The following PDCD5 variants were observed in gnomAD, a reference collection of about 807,000 sequenced individuals.
PDCD5 encodes the protein programmed cell death 5, also known as programmed cell death protein 5.
In PDCD5, 23 loss-of-function variants were observed where a neutral mutation model predicts 21.9. The ratio of observed to expected loss-of-function variants is 1.05; its 90% CI spans 0.76 to 1.49. The LOEUF is 1.49. PDCD5 is among the 40% of genes most tolerant of loss of function. PDCD5 has a pLI of 0.00. For missense variants in PDCD5, 152 were observed against 147.7 expected (o/e 1.03, Z -0.15); for synonymous variants, 45 against 49.4 (o/e 0.91, Z 0.37).
intron 1 of PDCD5, chr19:32,581,824 C>G (rs951004574): frequency 3.6e-4 from 90 of 252,904 alleles, no homozygotes; most frequent in African/African-American, 2.0e-3. Flanking sequence ...CCCGGAGAGG[C>G]GTTTCTGATA....
chr19:32,584,551 G>A (rs1375107484), intron 2 of PDCD5, among the ~76,000 whole-genome samples: 2 of 152,068 alleles, frequency 1.3e-5, no homozygotes, highest in African/African-American at 4.8e-5. Context: ...ATAGCCTCCT[G>A]GATCTCAGCT....
At chr19:32,584,032 A>G (rs924955736) in intron 2 of PDCD5, among the ~76,000 whole-genome samples, 4 of 152,024 alleles carry the variant, frequency 2.6e-5, no homozygotes, top group Non-Finnish European at 5.9e-5. Flanking sequence ...GGGTTTCACC[A>G]TGTTGGCCAG....
intron 1 of PDCD5, chr19:32,581,662 TCCGGAGTTCAGTTGTTATGACC>T: frequency 4.1e-6 from 1 of 246,192 alleles, no homozygotes; most frequent in Non-Finnish European, 7.7e-6. Context: ...ATTCAGTTTT[TCCGGAGTTCAGTTGTTATGACC>T]CAAGTTTAGC....
At chr19:32,582,921 G>A (rs1404940632) in intron 2 of PDCD5, among the ~76,000 whole-genome samples, 2 of 152,210 alleles carry the variant, frequency 1.3e-5, no homozygotes, top group Non-Finnish European at 2.9e-5. Context: ...TAGGAAGGGA[G>A]GGTTCGGGAG....
rs962157781 is a variant in PDCD5 at position 32,586,459 on chromosome 19, T to C, written c.259-399T>C. On this transcript the variant is annotated intron_variant, in intron 4 of 5. Transcript: ENST00000590247. ...TGTGGGAGAGAGCTGGTTGGGTTGA[T>C]CTTTTCCGAGTGTGACTTACCTCCT... 2.7e-6 allele frequency: 3 copies of C among 1,107,662 alleles called. No homozygotes were observed. The African/African-American group carries it at 4.9e-5, about 18-fold the overall frequency. The allele number at this position is 1,107,662 out of a possible 1,614,324, so 68.6% of individuals were successfully genotyped here. A position where few individuals can be genotyped will look rare whatever the true frequency, so the allele number is the denominator to read the frequency against.
chr19:32,585,210 A>G (rs891715809), intron 3 of PDCD5, among the ~76,000 whole-genome samples, 199 bp downstream of exon 3: 1 of 152,198 alleles, frequency 6.6e-6, no homozygotes, highest in South Asian at 2.1e-4. Context: ...TCTCTTACCA[A>G]GATGTTCTCC....
At chr19:32,582,168 TATTAA>T (rs754875042) in intron 1 of PDCD5, 22 bp from the exon 2 acceptor site, 5 of 1,583,434 alleles carry the variant, frequency 3.2e-6, no homozygotes, top group African/African-American at 2.7e-5. Flanking sequence ...GAAATTTCTC[TATTAA>T]ATTTAAGTTT....
chr19:32,585,908 G>T lies in PDCD5; in HGVS notation c.258+1G>T, dbSNP rs890076877. 13 of 1,612,768 alleles carry T rather than the reference G, an allele frequency of 8.1e-6. No homozygotes were observed. Among genetic ancestry groups the T allele is most frequent in the Non-Finnish European group, 1.1e-5 (13 of 1,178,740 alleles). ...AAGATATGGACAACTAAGTGAGAAG[G>T]TAAGCTTAGACAGCCTTGAGGAACT... On this transcript the variant is annotated splice_donor_variant, in intron 4 of 5. Coordinates refer to ENST00000590247, the MANE Select transcript of PDCD5 (RefSeq NM_004708.4). LOFTEE classifies it high-confidence loss of function.
In PDCD5 at chr19:32,582,300, T is replaced by C. The variant is rs974936196; in HGVS notation, c.104+68T>C. ...AAATGGATTTCTTTTGCTGTAGTTA[T>C]TTTAAGCAGGTGTGTGACTCAGATT... On this transcript the variant is annotated intron_variant, in intron 2 of 5. Coordinates refer to ENST00000590247, the MANE Select transcript of PDCD5 (RefSeq NM_004708.4). The C allele has an allele frequency of 3.6e-6, 5 of 1,383,386 alleles. No individual in the cohort carries two copies. In the South Asian group the frequency reaches 4.8e-5, roughly 13 times the overall value. The allele number at this position is 1,383,386 out of a possible 1,614,324, so 85.7% of individuals were successfully genotyped here.
intron 2 of PDCD5, among the ~76,000 whole-genome samples, chr19:32,584,270 C>T (rs1971456048): frequency 6.6e-6 from 1 of 152,154 alleles, no homozygotes; most frequent in Non-Finnish European, 1.5e-5. Flanking sequence ...CACAGCCAGC[C>T]CCAGCTCTCC....
At chr19:32,581,399 T>G in intron 1 of PDCD5, 72 bp downstream of exon 1, 1 of 1,092,508 alleles carries the variant, frequency 9.2e-7, no homozygotes, top group Non-Finnish European at 1.2e-6. Flanking sequence ...AGGGCGCGCC[T>G]CCGGGGCGGA....
intron 4 of PDCD5, chr19:32,586,593 T>C: frequency 8.3e-7 from 1 of 1,200,882 alleles, no homozygotes; most frequent in Non-Finnish European, 1.0e-6. Context: ...AAAGGTGTTC[T>C]TAAATATGTT....
chr19:32,586,996 C>T (rs1045439932), intron 5 of PDCD5, 67 bp downstream of exon 5: 3 of 1,257,584 alleles, frequency 2.4e-6, no homozygotes, highest in Non-Finnish European at 3.4e-6. Context: ...GTTGAGTATA[C>T]ATCTACCACA....
chr19:32,584,339 A>G (rs1427669648), intron 2 of PDCD5, among the ~76,000 whole-genome samples: 1 of 152,230 alleles, frequency 6.6e-6, no homozygotes, highest in Non-Finnish European at 1.5e-5. Context: ...AAAGGATTTC[A>G]TTTGAAAGAA....
At chr19:32,586,736 C>T in intron 4 of PDCD5, 122 bp from the exon 5 acceptor site, 1 of 1,406,884 alleles carries the variant, frequency 7.1e-7, no homozygotes, top group Non-Finnish European at 9.3e-7. Flanking sequence ...CCTGCCTCAC[C>T]ACTGCTTCCT....
At position 32,585,990 on chromosome 19, in the gene PDCD5, G is replaced by A; in HGVS notation, c.258+83G>A. The A allele has an allele frequency of 1.9e-6, 3 of 1,612,318 alleles. No homozygotes were observed. In the Middle Eastern group the frequency reaches 5.0e-4, roughly 266 times the overall value. ...TCAAAAGGTCAGCTGCATCTTCACTGGATTACAGAATTCTTGCTGACTCTC... is the reference window on the plus strand; with the variant it reads ...TCAAAAGGTCAGCTGCATCTTCACTAGATTACAGAATTCTTGCTGACTCTC... On this transcript the variant is annotated intron_variant, in intron 4 of 5. Coordinates refer to ENST00000590247, the MANE Select transcript of PDCD5 (RefSeq NM_004708.4).
At chr19:32,587,077 G>A (rs1251328474) in intron 5 of PDCD5, 148 bp downstream of exon 5, 3 of 833,822 alleles carry the variant, frequency 3.6e-6, no homozygotes, top group Middle Eastern at 2.4e-4. Context: ...GGCTGAATCT[G>A]TTGGGGGAGG....
intron 1 of PDCD5, 21 bp from the exon 2 acceptor site, chr19:32,582,174 A>G (rs1399143066): frequency 6.3e-7 from 1 of 1,599,812 alleles, no homozygotes; most frequent in East Asian, 2.2e-5. Flanking sequence ...TCTCTATTAA[A>G]TTTAAGTTTT....
At chr19:32,584,667 T>C (rs1971459149) in intron 2 of PDCD5, among the ~76,000 whole-genome samples, 1 of 152,216 alleles carries the variant, frequency 6.6e-6, no homozygotes. Context: ...TTAAGAAATG[T>C]TGGTGATGGT....
Sources: gnomAD v4.1 joint callset for allele counts (sites outside exome capture counted in the v4.1 genomes callset) on GRCh38, gnomAD v4.1.1 for gene constraint, MANE v1.5 for transcripts, NCBI Gene and HGNC (gene_info 2026-07-23, HGNC 2026-07-21) for gene names.